Variants in RIPOR2 observed in about 807,000 individuals in gnomAD.
RIPOR2 encodes the protein rho family-interacting cell polarization regulator 2.
A neutral mutation model predicts 114.5 loss-of-function variants in RIPOR2; 39 were observed. The observed-to-expected ratio is 0.34, with a 90% CI of 0.26 to 0.44. The LOEUF (loss-of-function observed/expected upper bound fraction) is 0.44. Among genes scored for constraint, RIPOR2 ranks in the 20% least tolerant of loss-of-function variants. The probability of loss-of-function intolerance (pLI) is 1.00; values close to 1 mark genes in which losing one functional copy is unlikely to be tolerated. For synonymous variants in RIPOR2, 445 were observed against 484.4 expected, an observed-to-expected ratio of 0.92 and a Z score of 1.07; for missense variants, 1,007 against 1,255.1, an observed-to-expected ratio of 0.80 and a Z score of 2.99.
At chr6:25,012,296 C>T (rs979770415) in intron 1 of RIPOR2, among the ~76,000 whole-genome samples, 1 of 152,096 alleles carries the variant, frequency 6.6e-6, no homozygotes. Context: ...AAGATTCAGC[C>T]GCTGAGGAAA....
intron 17 of RIPOR2, 52 bp from the exon 18 acceptor site, chr6:24,828,347 CA>C: frequency 1.6e-6 from 2 of 1,264,608 alleles, no homozygotes; most frequent in Non-Finnish European, 2.1e-6. Context: ...ACCATTCATT[CA>C]TTCATTCATT....
At chr6:24,974,731 C>A (rs1773956848) in intron 1 of RIPOR2, among the ~76,000 whole-genome samples, 1 of 152,056 alleles carries the variant, frequency 6.6e-6, no homozygotes, top group Non-Finnish European at 1.5e-5. Context: ...TTCATCATAG[C>A]CAAAAATGGA....
chr6:24,913,617 G>A (rs1038921073), intron 1 of RIPOR2, among the ~76,000 whole-genome samples: 6 of 152,104 alleles, frequency 3.9e-5, no homozygotes, highest in African/African-American at 1.4e-4. Context: ...CAAATAAAAA[G>A]CCCACACCAG....
intron 1 of RIPOR2, among the ~76,000 whole-genome samples, chr6:24,970,747 G>A (rs530825708): frequency 4.1e-4 from 62 of 152,308 alleles, no homozygotes; most frequent in African/African-American, 1.5e-3. Flanking sequence ...ATATCATGCT[G>A]ATTTTCAATA....
chr6:24,974,394 A>AAAAACAAACAAT (rs1273450118), intron 1 of RIPOR2, among the ~76,000 whole-genome samples: 9 of 152,270 alleles, frequency 5.9e-5, no homozygotes, highest in African/African-American at 2.2e-4. Context: ...AAACAAACAA[A>AAAAACAAACAAT]AAAACCCAAT....
chr6:24,892,580 A>G (rs1767471158), intron 1 of RIPOR2, among the ~76,000 whole-genome samples: 1 of 151,868 alleles, frequency 6.6e-6, no homozygotes, highest in Non-Finnish European at 1.5e-5. Flanking sequence ...GTTTTCATTC[A>G]TTTTCTTGTG....
At chr6:25,039,567 T>A (rs1006426416) in intron 1 of RIPOR2, among the ~76,000 whole-genome samples, 1 of 152,226 alleles carries the variant, frequency 6.6e-6, no homozygotes, top group African/African-American at 2.4e-5. Context: ...AGTATTCAGA[T>A]GTTAGTCTCA....
At chr6:24,917,572 C>A (rs1333403271) in intron 1 of RIPOR2, among the ~76,000 whole-genome samples, 1 of 152,104 alleles carries the variant, frequency 6.6e-6, no homozygotes, top group Non-Finnish European at 1.5e-5. Context: ...CTCTGTCACC[C>A]AGGCTGGAGT....
intron 20 of RIPOR2, among the ~76,000 whole-genome samples, chr6:24,811,228 C>CTTTTTT (rs59559836): frequency 6.4e-5 from 6 of 93,798 alleles, no homozygotes; most frequent in African/African-American, 2.4e-4. Flanking sequence ...TTCTCTCATT[C>CTTTTTT]TTTTTTTTTT....
intron 1 of RIPOR2, among the ~76,000 whole-genome samples, chr6:24,877,847 G>C (rs1765950204): frequency 6.6e-6 from 1 of 152,114 alleles, no homozygotes; most frequent in Non-Finnish European, 1.5e-5. Flanking sequence ...AGCTAATTCT[G>C]ATTGGCTATT....
chr6:24,877,139 T>A, intron 1 of RIPOR2: 1 of 985,310 alleles, frequency 1.0e-6, no homozygotes, highest in Non-Finnish European at 1.2e-6. Flanking sequence ...GCAGCAGAAC[T>A]CTCTGGTAGT....
chr6:24,843,613 A>T, intron 12 of RIPOR2, 59 bp from the exon 13 acceptor site: 1 of 1,259,524 alleles, frequency 7.9e-7, no homozygotes, highest in South Asian at 1.6e-5. Flanking sequence ...TTGGCTTGGC[A>T]TGGTTTATTT....
chr6:24,849,264 CT>C (rs975389079), intron 11 of RIPOR2, among the ~76,000 whole-genome samples: 4 of 152,160 alleles, frequency 2.6e-5, no homozygotes, highest in Admixed American at 2.6e-4. Flanking sequence ...AAAACGATTT[CT>C]AAGTTCATTG....
At chr6:24,894,399 G>T (rs2113983057) in intron 1 of RIPOR2, among the ~76,000 whole-genome samples, 2 of 152,320 alleles carry the variant, frequency 1.3e-5, no homozygotes, top group Middle Eastern at 6.8e-3. Context: ...ATTGTTAGCA[G>T]AACTGGAACT....
At chr6:24,810,496 G>A (rs2113625309) in intron 20 of RIPOR2, among the ~76,000 whole-genome samples, 1 of 152,240 alleles carries the variant, frequency 6.6e-6, no homozygotes, top group Admixed American at 6.5e-5. Context: ...CTATTTGTTT[G>A]TTCCACAAAT....
chr6:24,921,651 G>GCCCCCCCC (rs143776369), intron 1 of RIPOR2, among the ~76,000 whole-genome samples: 1 of 146,886 alleles, frequency 6.8e-6, no homozygotes, highest in Non-Finnish European at 1.5e-5. Flanking sequence ...AACACTTATC[G>GCCCCCCCC]CCCCCCCCGA....
At chr6:24,963,986 C>T (rs1235727320) in intron 1 of RIPOR2, among the ~76,000 whole-genome samples, 3 of 152,034 alleles carry the variant, frequency 2.0e-5, no homozygotes, top group East Asian at 1.9e-4. Context: ...TGGACTAAAG[C>T]GATCCTCCCC....
chr6:24,977,080 T>G, intron 1 of RIPOR2: 1 of 1,210,474 alleles, frequency 8.3e-7, no homozygotes, highest in African/African-American at 1.5e-5. Flanking sequence ...AGTATCTTTG[T>G]GCTCTTGCTG....
At chr6:24,949,472 A>G (rs1316973377) in intron 1 of RIPOR2, among the ~76,000 whole-genome samples, 1 of 152,196 alleles carries the variant, frequency 6.6e-6, no homozygotes, top group Non-Finnish European at 1.5e-5. Context: ...CAGCCTCTGC[A>G]CGTGAAGGGT....
Sources: gnomAD v4.1 joint callset for allele counts (sites outside exome capture counted in the v4.1 genomes callset) on GRCh38, gnomAD v4.1.1 for gene constraint, MANE v1.5 for transcripts, NCBI Gene and HGNC (gene_info 2026-07-23, HGNC 2026-07-21) for gene names.